The following SERPINE3 variants were observed in gnomAD, a reference collection of about 807,000 sequenced individuals.
The protein encoded by SERPINE3 is serpin family E member 3, also known as serpin E3.
SERPINE3 carries 43 observed loss-of-function variants against 41.7 expected under a neutral mutation model. That is an observed-to-expected ratio of 1.03 (90% CI 0.81 to 1.33). The LOEUF (loss-of-function observed/expected upper bound fraction) is 1.33, where lower values mean the gene tolerates loss of function less well. Among genes scored for constraint, SERPINE3 ranks in the 40% most tolerant of loss-of-function variants. The pLI, the probability that SERPINE3 is intolerant of heterozygous loss-of-function variation, is 0.00. For missense variants in SERPINE3, 440 were observed against 491.7 expected (o/e 0.89, Z 0.99); for synonymous variants, 200 against 192.2 (o/e 1.04, Z -0.34).
chr13:51,343,679 G>C (rs1955316547), intron 3 of SERPINE3, among the ~76,000 whole-genome samples: 2 of 152,110 alleles, frequency 1.3e-5, no homozygotes, highest in African/African-American at 2.4e-5. Context: ...CTTTTCCTCT[G>C]TATTTCTCAA....
intron 6 of SERPINE3, among the ~76,000 whole-genome samples, chr13:51,351,911 G>A (rs1955406729): frequency 6.6e-6 from 1 of 151,960 alleles, no homozygotes; most frequent in African/African-American, 2.4e-5. Context: ...TTCCTCCACT[G>A]AATTTTCTTG....
intron 4 of SERPINE3, among the ~76,000 whole-genome samples, chr13:51,346,154 TAAAC>T (rs1955343638): frequency 6.6e-6 from 1 of 152,214 alleles, no homozygotes; most frequent in Admixed American, 6.5e-5. Flanking sequence ...GTGTGCATAT[TAAAC>T]AAATAAACAG....
At chr13:51,355,544 A>G (rs1046487116) in intron 7 of SERPINE3, among the ~76,000 whole-genome samples, 2 of 151,872 alleles carry the variant, frequency 1.3e-5, no homozygotes, top group Non-Finnish European at 2.9e-5. Context: ...CTCCTTCCCA[A>G]TACCTTCTCT....
intron 7 of SERPINE3, among the ~76,000 whole-genome samples, chr13:51,355,629 T>C (rs1398232401): frequency 1.3e-5 from 2 of 152,222 alleles, no homozygotes; most frequent in African/African-American, 4.8e-5. Context: ...ACCCATACTC[T>C]TACAACCTTG....
At chr13:51,362,054 G>T (rs1955588928) in intron 9 of SERPINE3, 161 bp downstream of exon 9, 1 of 1,575,658 alleles carries the variant, frequency 6.3e-7, no homozygotes, top group African/African-American at 1.4e-5. Flanking sequence ...CTAAGAAAGG[G>T]GACTATTTCG....
chr13:51,361,174 T>C (rs1955568634), intron 7 of SERPINE3, 104 bp from the exon 8 acceptor site: 6 of 755,532 alleles, frequency 7.9e-6, no homozygotes, highest in Admixed American at 2.1e-5. Flanking sequence ...GTAAGCAGCA[T>C]TGGATACTAT....
In SERPINE3 at chr13:51,364,459, T is replaced by C. The variant is rs1955646786; in HGVS notation, c.*177T>C. ...TTAAATGTTATAAGTTTATTTTGCC[T>C]ACTCTTAATCCAAATCTATTTTGAC... On this transcript the variant is annotated 3_prime_UTR_variant, in exon 10 of 10. Coordinates refer to ENST00000681248, the MANE Select transcript of SERPINE3 (RefSeq NM_001386375.1). The C allele has an allele frequency of 6.0e-6, 3 of 504,068 alleles. No homozygotes were observed. Among genetic ancestry groups the C allele is most frequent in the Admixed American group, 3.7e-5 (1 of 27,234 alleles). 31.2% of individuals were successfully genotyped at this position (504,068 alleles called of 1,614,324 possible). A position where few individuals can be genotyped will look rare whatever the true frequency, so the allele number is the denominator to read the frequency against.
At position 51,344,289 on chromosome 13, in the gene SERPINE3, C is replaced by T. The variant is rs1390184120; in HGVS notation, c.294C>T (p.Ala98=). 5.0e-6 allele frequency: 8 copies of T among 1,613,782 alleles called. No homozygotes were observed. The highest frequency in any genetic ancestry group is 6.8e-6 in the Non-Finnish European group (8 of 1,179,870). The change falls in exon 4 of 10, where the codon GCC becomes GCT. Residue 98 remains alanine (A), a synonymous_variant. Coordinates refer to ENST00000681248, the MANE Select transcript of SERPINE3 (RefSeq NM_001386375.1). ...AAGATTTCTTGCATGCTGTTTATGC[C>T]ACACTACCCACCTCCAGCCAAGGCA... ...RVKDFLHAVY[A]TLPTSSQGTE...
chr13:51,357,372 A>G (rs1220633445), intron 7 of SERPINE3, among the ~76,000 whole-genome samples: 1 of 152,160 alleles, frequency 6.6e-6, no homozygotes, highest in Non-Finnish European at 1.5e-5. Flanking sequence ...ATTTACTTAT[A>G]GTATGACATC....
chr13:51,348,431 T>C lies in SERPINE3; in HGVS notation c.899+20T>C, dbSNP rs540001376. 5.7e-5 allele frequency: 91 copies of C among 1,601,900 alleles called. No homozygotes were observed. The East Asian group carries it at 2.0e-3, about 36-fold the overall frequency. On this transcript the variant is annotated intron_variant, in intron 6 of 9. Transcript: ENST00000681248. The stretch of plus-strand genomic sequence containing the variant: ...GCCCAGGTGAGCAGCTGAGTCCCCC[T>C]CACAGGTGCTGTGCAGCCAGCAGTC...
At chr13:51,343,936 C>G (rs1308895008) in intron 3 of SERPINE3, among the ~76,000 whole-genome samples, 1 of 152,230 alleles carries the variant, frequency 6.6e-6, no homozygotes, top group African/African-American at 2.4e-5. Flanking sequence ...CATCAACCTT[C>G]CTAAAGCAGA....
chr13:51,340,237 T>C (rs1394887699), intron 1 of SERPINE3, among the ~76,000 whole-genome samples: 1 of 152,204 alleles, frequency 6.6e-6, no homozygotes, highest in East Asian at 1.9e-4. Context: ...CAAAAACTGC[T>C]GCTGGCTGGA....
intron 8 of SERPINE3, 128 bp downstream of exon 8, chr13:51,361,492 A>C: frequency 1.5e-6 from 1 of 671,092 alleles, no homozygotes; most frequent in Middle Eastern, 2.5e-4. Flanking sequence ...AGTATTTTTT[A>C]AAAAGGAACA....
At position 51,361,812 on chromosome 13, in the gene SERPINE3, CTGT is replaced by C. The variant is rs1287431486; in HGVS notation, c.1095_1097del (p.Leu367del). 1.1e-5 allele frequency: 18 copies of C among 1,603,524 alleles called. No homozygotes were observed. The highest frequency in any genetic ancestry group is 4.0e-5 in the African/African-American group (3 of 74,310). ...GAATTTTTCTTTCTTTCCTGCAGCT[CTGT>C]TGTTATTGAAAAGGTCTCGGATTCC... is the stretch of plus-strand genomic sequence containing the variant. On this transcript the variant is annotated inframe_deletion, in exon 9 of 10. Transcript: ENST00000681248.
At chr13:51,344,571 T>G in intron 4 of SERPINE3, 86 bp downstream of exon 4, 1 of 1,054,332 alleles carries the variant, frequency 9.5e-7, no homozygotes, top group Non-Finnish European at 1.4e-6. Flanking sequence ...GAGGCCATGG[T>G]GCTCAGGCCA....
At chr13:51,352,278 T>C (rs1037057234) in intron 6 of SERPINE3, among the ~76,000 whole-genome samples, 1 of 152,164 alleles carries the variant, frequency 6.6e-6, no homozygotes, top group Non-Finnish European at 1.5e-5. Flanking sequence ...CTTTCTTTGT[T>C]TCTTTCAACA....
chr13:51,362,136 GA>G lies in SERPINE3; in HGVS notation c.1171+244del, dbSNP rs1427182677. ...TCTCAGCTCATATATAGTTAATGTA[GA>G]TTTTTTTTTTTAATGCTATAGGTTT... On this transcript the variant is annotated intron_variant, in intron 9 of 9. Transcript: ENST00000681248. 6.5e-6 allele frequency: 8 copies of G among 1,237,306 alleles called. No homozygotes were observed. The Admixed American group carries it at 1.1e-4, about 17-fold the overall frequency. 76.6% of individuals were successfully genotyped at this position (1,237,306 alleles called of 1,614,324 possible). A position where few individuals can be genotyped will look rare whatever the true frequency, so the allele number is the denominator to read the frequency against.
At chr13:51,348,087 G>A (rs1039440819) in intron 5 of SERPINE3, 126 bp from the exon 6 acceptor site, 1 of 693,884 alleles carries the variant, frequency 1.4e-6, no homozygotes, top group African/African-American at 1.8e-5. Flanking sequence ...ACCGCCTCCT[G>A]AGGGTGAGGT....
At chr13:51,354,476 C>G (rs1187898325) in intron 6 of SERPINE3, 1 of 151,840 alleles carries the variant, frequency 6.6e-6, no homozygotes, top group African/African-American at 2.4e-5. Flanking sequence ...TGAATTGGAG[C>G]CTGGCACAGT....
Sources: gnomAD v4.1 joint callset for allele counts (sites outside exome capture counted in the v4.1 genomes callset) on GRCh38, gnomAD v4.1.1 for gene constraint, MANE v1.5 for transcripts, NCBI Gene and HGNC (gene_info 2026-07-23, HGNC 2026-07-21) for gene names.